Variants in DMRT1 observed in about 807,000 individuals in gnomAD.
DMRT1 encodes doublesex and mab-3 related transcription factor 1.
A neutral mutation model predicts 32.3 loss-of-function variants in DMRT1; 7 were observed. That is an observed-to-expected ratio of 0.22 (90% CI 0.12 to 0.41). The LOEUF is 0.41. DMRT1 is among the 10% of genes least tolerant of loss of function. The pLI, the probability that DMRT1 is intolerant of heterozygous loss-of-function variation, is 1.00. For missense variants in DMRT1, 625 were observed against 500.5 expected (o/e 1.25, Z -2.37); for synonymous variants, 278 against 206.1 (o/e 1.35, Z -2.99).
intron 4 of DMRT1, among the ~76,000 whole-genome samples, chr9:950,427 A>G (rs995148774): frequency 6.6e-5 from 10 of 151,972 alleles, no homozygotes; most frequent in Non-Finnish European, 1.3e-4. Flanking sequence ...CCTGAGTACA[A>G]ATTCTGGCTC....
intron 2 of DMRT1, among the ~76,000 whole-genome samples, chr9:876,463 C>A (rs7038076): frequency 0.26 from 39,720 of 151,668 alleles, 5,373 homozygotes; most frequent in East Asian, 0.39. Context: ...CATGTGAGTG[C>A]TTAAAGTTAG....
intron 2 of DMRT1, among the ~76,000 whole-genome samples, chr9:862,872 T>C (rs1313931642): frequency 6.6e-6 from 1 of 152,086 alleles, no homozygotes; most frequent in African/African-American, 2.4e-5. Flanking sequence ...TCCCAAAAGA[T>C]GCCTGTGCCC....
At chr9:907,381 C>G (rs1817813995) in intron 3 of DMRT1, among the ~76,000 whole-genome samples, 1 of 152,036 alleles carries the variant, frequency 6.6e-6, no homozygotes, top group African/African-American at 2.4e-5. Context: ...GGTTTCCAAC[C>G]CAGGAACTGG....
intron 3 of DMRT1, among the ~76,000 whole-genome samples, chr9:911,215 C>T (rs1361744195): frequency 6.6e-6 from 1 of 152,216 alleles, no homozygotes; most frequent in East Asian, 1.9e-4. Flanking sequence ...CACTAGATGC[C>T]AGCATCAACT....
intron 2 of DMRT1, among the ~76,000 whole-genome samples, chr9:856,502 G>A (rs954698896): frequency 2.6e-5 from 4 of 152,134 alleles, no homozygotes; most frequent in Non-Finnish European, 4.4e-5. Context: ...GTAACCTTTT[G>A]TGTCTTACTT....
At chr9:893,122 T>C (rs1324725610) in intron 2 of DMRT1, among the ~76,000 whole-genome samples, 1 of 152,180 alleles carries the variant, frequency 6.6e-6, no homozygotes, top group Non-Finnish European at 1.5e-5. Context: ...GACCGTAGAC[T>C]CCCTGTGGGC....
chr9:961,025 A>T lies in DMRT1; in HGVS notation c.968-6960A>T, dbSNP rs112002120. On this transcript the variant is annotated intron_variant, in intron 4 of 4. Transcript: ENST00000382276. ...TAATGGGGCCCCACGCCTTGTGTAG[A>T]ATCCTCCTAAGTGCTCTACTGTATC... 1.6e-3 allele frequency among the ~76,000 whole-genome samples: 241 copies of T among 152,256 alleles called. 1 individual carries two copies. The highest frequency in any genetic ancestry group is 5.3e-3 in the African/African-American group (220 of 41,522).
At chr9:911,680 C>T (rs1333401098) in intron 3 of DMRT1, among the ~76,000 whole-genome samples, 9 of 151,714 alleles carry the variant, frequency 5.9e-5, no homozygotes, top group African/African-American at 1.2e-4. Flanking sequence ...TTAGTAGAGA[C>T]GGAGATTCAC....
intron 1 of DMRT1, among the ~76,000 whole-genome samples, chr9:845,516 A>C (rs7040024): frequency 0.25 from 37,676 of 151,914 alleles, 4,733 homozygotes; most frequent in Middle Eastern, 0.31. Context: ...CCTTTTTTCA[A>C]TCTTTAACGG....
intron 4 of DMRT1, among the ~76,000 whole-genome samples, chr9:941,338 C>CCCCCCCCA (rs1554760857): frequency 7.4e-6 from 1 of 135,510 alleles, no homozygotes; most frequent in African/African-American, 3.1e-5. Flanking sequence ...CTCCCCCCCC[C>CCCCCCCCA]CACACATATG....
chr9:927,293 C>G (rs1458020403), intron 4 of DMRT1, among the ~76,000 whole-genome samples: 1 of 152,240 alleles, frequency 6.6e-6, no homozygotes, highest in African/African-American at 2.4e-5. Context: ...AATGATGAAG[C>G]TTGTCATGCA....
intron 4 of DMRT1, among the ~76,000 whole-genome samples, chr9:942,702 A>C (rs911479205): frequency 6.6e-6 from 1 of 152,086 alleles, no homozygotes; most frequent in South Asian, 2.1e-4. Context: ...TCTTGTGTTC[A>C]TAGTCAGATT....
At chr9:953,591 G>C (rs147930206) in intron 4 of DMRT1, among the ~76,000 whole-genome samples, 321 of 152,258 alleles carry the variant, frequency 2.1e-3, no homozygotes, top group Non-Finnish European at 3.5e-3. Flanking sequence ...TTTTGGATTC[G>C]TTGCCACCTC....
intron 4 of DMRT1, among the ~76,000 whole-genome samples, chr9:952,382 T>C (rs1419023678): frequency 1.3e-5 from 2 of 152,200 alleles, no homozygotes; most frequent in Non-Finnish European, 2.9e-5. Context: ...TTCCAACACC[T>C]TGGACGTGAG....
chr9:845,572 C>T (rs905098445), intron 1 of DMRT1, among the ~76,000 whole-genome samples: 3 of 152,136 alleles, frequency 2.0e-5, no homozygotes, highest in Non-Finnish European at 2.9e-5. Flanking sequence ...TATGTCAGGT[C>T]CTTTCCAGTC....
rs570015565 is a variant in DMRT1, at chr9:859,103, T to A, written c.538+11960T>A. Among the ~76,000 whole-genome samples the A allele has an allele frequency of 1.6e-4, 24 of 152,216 alleles. No homozygotes were observed. The South Asian group carries it at 5.0e-3, about 32-fold the overall frequency. On this transcript the variant is annotated intron_variant, in intron 2 of 4. Coordinates refer to ENST00000382276, the MANE Select transcript of DMRT1 (RefSeq NM_021951.3). ...AAGCCCAGCTTTCTTGAAAGTTCCC[T>A]GGCTTCTGAAATCACCTGTAGACTC... is the stretch of plus-strand genomic sequence containing the variant.
chr9:907,874 C>T (rs1817836395), intron 3 of DMRT1, among the ~76,000 whole-genome samples: 2 of 150,888 alleles, frequency 1.3e-5, no homozygotes, highest in Non-Finnish European at 2.9e-5. Context: ...GTATATAACA[C>T]ACACTGACTG....
intron 4 of DMRT1, among the ~76,000 whole-genome samples, chr9:928,850 A>T (rs965525517): frequency 8.6e-5 from 13 of 150,694 alleles, no homozygotes; most frequent in South Asian, 4.2e-4. Context: ...ATTTATTTTT[A>T]TTTATTTATT....
intron 4 of DMRT1, among the ~76,000 whole-genome samples, chr9:927,654 A>G (rs1197378441): frequency 2.0e-5 from 3 of 152,210 alleles, no homozygotes; most frequent in Non-Finnish European, 2.9e-5. Context: ...GCCCGTATAC[A>G]CGGGGTATAC....
Sources: gnomAD v4.1 joint callset for allele counts (sites outside exome capture counted in the v4.1 genomes callset) on GRCh38, gnomAD v4.1.1 for gene constraint, MANE v1.5 for transcripts, NCBI Gene and HGNC (gene_info 2026-07-23, HGNC 2026-07-21) for gene names.